The following GOLGA4 variants were observed in gnomAD, a reference collection of about 807,000 sequenced individuals.
The protein encoded by GOLGA4 is golgin A4.
Under a neutral mutation model 265.9 loss-of-function variants are expected in GOLGA4, and 169 were observed. That is an observed-to-expected ratio of 0.64 (90% confidence interval 0.56 to 0.72). The LOEUF (loss-of-function observed/expected upper bound fraction) is 0.72. GOLGA4 is among the 30% of genes least tolerant of loss of function. GOLGA4 has a pLI of 0.00. For synonymous variants in GOLGA4, 923 were observed against 855.8 expected, an observed-to-expected ratio of 1.08 and a Z score of -1.37; for missense variants, 2,482 against 2,483.4, an observed-to-expected ratio of 1.00 and a Z score of 0.01.
In GOLGA4 at chr3:37,255,154, C is replaced by CATTATT. The variant is rs201094032; in HGVS notation, c.162+3686_162+3691dup. On this transcript the variant is annotated intron_variant, in intron 2 of 23. Transcript: ENST00000361924. ...CCTTATAGGTTTGTTTTGTTGTCAT[C>CATTATT]ATTATTATTATTATTATTATTTTTG... 2.6e-5 allele frequency among the ~76,000 whole-genome samples: 4 copies of CATTATT among 151,044 alleles called. 1 individual carries two copies. Among genetic ancestry groups the CATTATT allele is most frequent in the Middle Eastern group, 6.8e-3 (2 of 294 alleles).
chr3:37,276,027 A>C, intron 2 of GOLGA4: 1 of 1,612,998 alleles, frequency 6.2e-7, no homozygotes, highest in Non-Finnish European at 8.5e-7. Context: ...TCCAGCGGCA[A>C]TGTAAGCAAC....
intron 2 of GOLGA4, among the ~76,000 whole-genome samples, chr3:37,257,941 A>ATATATATGTATG (rs1479332845): frequency 1.2e-5 from 1 of 86,430 alleles, no homozygotes; most frequent in Non-Finnish European, 2.2e-5. Flanking sequence ...ATATACATAC[A>ATATATATGTATG]TATATATGTA....
chr3:37,263,311 G>C (rs2096774982), intron 2 of GOLGA4, among the ~76,000 whole-genome samples: 2 of 152,088 alleles, frequency 1.3e-5, no homozygotes, highest in Non-Finnish European at 2.9e-5. Context: ...TTATTTTGCT[G>C]TTGTTCTTGT....
chr3:37,365,863 C>T (rs976083652), intron 23 of GOLGA4, among the ~76,000 whole-genome samples: 2 of 150,736 alleles, frequency 1.3e-5, no homozygotes, highest in African/African-American at 4.9e-5. Context: ...GAACTCCTGG[C>T]CTCAAGTGAT....
chr3:37,288,515 C>T (rs1475136124), intron 4 of GOLGA4, among the ~76,000 whole-genome samples: 6 of 144,418 alleles, frequency 4.2e-5, no homozygotes, highest in Non-Finnish European at 4.5e-5. Flanking sequence ...CTTGCTCTTT[C>T]GCCCAGGCTG....
rs1218577301 is a variant in GOLGA4 at position 37,324,596 on chromosome 3, C to A, written c.2710C>A (p.Gln904Lys). 1 of 1,613,188 alleles carries A rather than the reference C, an allele frequency of 6.2e-7. No individual in the cohort carries two copies. The highest frequency in any genetic ancestry group is 1.3e-5 in the African/African-American group (1 of 74,874). The stretch of plus-strand genomic sequence containing the variant: ...TAACAAAGAACAGGAACAGACAAAG[C>A]AAATCTTGGTGGAAAAGGAAAATAT... The part of the protein sequence containing the change: ...DGNKEQEQTK[Q>K]ILVEKENMIL... The change falls in exon 14 of 24, where the codon CAA (glutamine) becomes AAA (lysine). Residue 904 changes from glutamine (Q) to lysine (K), a missense_variant. By Grantham distance (53) the Gln-to-Lys change is moderately conservative. Around this residue, in one of 3 missense-constraint regions of GOLGA4, gnomAD observed 1,536 missense variants for 1,483.7 expected, o/e 1.04. Coordinates refer to ENST00000361924, the MANE Select transcript of GOLGA4 (RefSeq NM_002078.5).
chr3:37,333,215 C>G (rs916243757), intron 16 of GOLGA4, among the ~76,000 whole-genome samples: 4 of 152,098 alleles, frequency 2.6e-5, no homozygotes, highest in Non-Finnish European at 5.9e-5. Flanking sequence ...CAGAGTAGCT[C>G]GTAAGGCTAT....
At chr3:37,260,762 G>A (rs147246954) in intron 2 of GOLGA4, among the ~76,000 whole-genome samples, 2 of 152,274 alleles carry the variant, frequency 1.3e-5, no homozygotes, top group East Asian at 3.9e-4. Context: ...TATTACACAT[G>A]AGAGATGATA....
chr3:37,254,451 T>C (rs2096742735), intron 2 of GOLGA4, among the ~76,000 whole-genome samples: 1 of 151,774 alleles, frequency 6.6e-6, no homozygotes, highest in Non-Finnish European at 1.5e-5. Context: ...TTTTTTTGTT[T>C]GTTTTTTGTT....
At chr3:37,288,218 C>T (rs547000726) in intron 4 of GOLGA4, among the ~76,000 whole-genome samples, 2 of 150,666 alleles carry the variant, frequency 1.3e-5, no homozygotes, top group African/African-American at 2.4e-5. Flanking sequence ...TCTCCTGCCT[C>T]AGCCTCCTGA....
intron 1 of GOLGA4, among the ~76,000 whole-genome samples, chr3:37,248,935 T>C (rs1267524982): frequency 6.6e-6 from 1 of 152,226 alleles, no homozygotes; most frequent in African/African-American, 2.4e-5. Context: ...TTCTTAGACA[T>C]GATAGAATCA....
chr3:37,308,982 G>T (rs1023484233), intron 10 of GOLGA4, among the ~76,000 whole-genome samples: 1 of 152,030 alleles, frequency 6.6e-6, no homozygotes, highest in Admixed American at 6.5e-5. Context: ...CGGGTGTGGT[G>T]GCTCATGCCT....
intron 2 of GOLGA4, among the ~76,000 whole-genome samples, chr3:37,278,724 G>A (rs947035476): frequency 1.7e-4 from 26 of 151,534 alleles, no homozygotes; most frequent in African/African-American, 6.1e-4. Context: ...TATTTATTGT[G>A]TACTGTGTAT....
chr3:37,328,317 C>G, intron 14 of GOLGA4, 99 bp from the exon 15 acceptor site: 1 of 1,117,908 alleles, frequency 8.9e-7, no homozygotes, highest in Non-Finnish European at 1.3e-6. Context: ...TGTTTTCATA[C>G]AATGAACTCA....
At chr3:37,321,632 G>C in intron 12 of GOLGA4, 99 bp from the exon 13 acceptor site, 1 of 1,044,924 alleles carries the variant, frequency 9.6e-7, no homozygotes, top group Non-Finnish European at 1.4e-6. Context: ...CAACAGGGCT[G>C]GGTGCAGATC....
chr3:37,280,812 A>G (rs976343560), intron 2 of GOLGA4, among the ~76,000 whole-genome samples: 2 of 151,990 alleles, frequency 1.3e-5, no homozygotes, highest in Admixed American at 6.6e-5. Context: ...TCCAGTTTTT[A>G]CTCTTTTAAA....
At position 37,366,754 on chromosome 3, in the gene GOLGA4, T is replaced by G. The variant is rs2151109955; in HGVS notation, c.*708T>G. 1 of 152,664 alleles carries G rather than the reference T, an allele frequency of 6.6e-6. No homozygotes were observed. Among genetic ancestry groups the G allele is most frequent in the South Asian group, 2.1e-4 (1 of 4,830 alleles). The allele number at this position is 152,664 out of a possible 1,614,324, so 9.5% of individuals were successfully genotyped here. On this transcript the variant is annotated 3_prime_UTR_variant, in exon 24 of 24. Coordinates refer to ENST00000361924, the MANE Select transcript of GOLGA4 (RefSeq NM_002078.5). ...TAAAGTTTATTTACTATATAACATT[T>G]GTTTATTGTACTTGTTCCTCAGTTG...
At chr3:37,276,470 T>G in intron 2 of GOLGA4, 1 of 1,610,690 alleles carries the variant, frequency 6.2e-7, no homozygotes, top group Non-Finnish European at 8.5e-7. Context: ...CCAGACTGAC[T>G]TGTTCACATG....
intron 2 of GOLGA4, among the ~76,000 whole-genome samples, chr3:37,258,030 TATGTATATATACATAC>T (rs2096757290): frequency 2.5e-5 from 2 of 81,444 alleles, no homozygotes; most frequent in Admixed American, 1.4e-4. Context: ...TGTATGTATA[TATGTATATATACATAC>T]ATATATATAT....
Sources: allele counts gnomAD v4.1 joint callset (sites outside exome capture counted in the v4.1 genomes callset), GRCh38; gene constraint gnomAD v4.1.1; regional missense constraint gnomAD v4.1.1; transcripts MANE v1.5; gene names NCBI Gene and HGNC (gene_info 2026-07-23, HGNC 2026-07-21).